Variants in NANOGNB observed in about 807,000 individuals in gnomAD.
The protein encoded by NANOGNB is homeobox C14.
A neutral mutation model predicts 25.0 loss-of-function variants in NANOGNB; 30 were observed. The ratio of observed to expected loss-of-function variants is 1.20; its 90% CI spans 0.90 to 1.63. NANOGNB has a LOEUF of 1.63. Among genes scored for constraint, NANOGNB ranks in the 40% most tolerant of loss-of-function variants. The probability of loss-of-function intolerance (pLI) is 0.00; values close to 1 mark genes in which losing one functional copy is unlikely to be tolerated. For missense variants in NANOGNB, 200 were observed against 188.1 expected, an observed-to-expected ratio of 1.06 and a Z score of -0.37; for synonymous variants, 84 against 62.1, an observed-to-expected ratio of 1.35 and a Z score of -1.66.
At chr12:7,773,767 G>A (rs1442186600) in intron 3 of NANOGNB, 33 bp from the exon 4 acceptor site, 26 of 601,942 alleles carry the variant, frequency 4.3e-5, no homozygotes, top group African/African-American at 2.6e-4. Context: ...ACTGTGTTGC[G>A]AAACTCTTTT....
intron 1 of NANOGNB, among the ~76,000 whole-genome samples, chr12:7,767,757 CTTTT>C (rs59800416): frequency 1.5e-5 from 2 of 136,852 alleles, no homozygotes; most frequent in South Asian, 2.4e-4. Context: ...CCTTTTTCCT[CTTTT>C]TTTTTTTTTT....
At position 7,773,686 on chromosome 12, in the gene NANOGNB, T is replaced by C. The variant is rs145606542; in HGVS notation, c.516-114T>C. The C allele has an allele frequency of 7.1e-4, 319 of 448,310 alleles. 1 individual carries two copies. Among genetic ancestry groups the C allele is most frequent in the African/African-American group, 6.3e-3 (303 of 47,970 alleles). 27.8% of individuals were successfully genotyped at this position (448,310 alleles called of 1,614,324 possible). On this transcript the variant is annotated intron_variant, in intron 3 of 3. Transcript: ENST00000382119. ...GTTGCAGTCAGCCGAGATTGTGCCA[T>C]TGCACTCCAGCTTGGGTGACAAGAG...
At position 7,770,268 on chromosome 12, in the gene NANOGNB, C is replaced by G. The variant is rs1337603031; in HGVS notation, c.388C>G (p.Gln130Glu). 1 of 1,542,466 alleles carries G rather than the reference C, an allele frequency of 6.5e-7. No homozygotes were observed. Among genetic ancestry groups the G allele is most frequent in the East Asian group, 2.4e-5 (1 of 40,892 alleles). The change falls in exon 2 of 4, where the codon CAA (glutamine) becomes GAA (glutamate). Residue 130 changes from glutamine (Q) to glutamate (E), a missense_variant. Transcript: ENST00000382119. ...KFKLNRCPTI[Q>E]ESLSLSFEFD... ...TAAGTTAAACAGGTGCCCCACTATA[C>G]AAGAGAGTCTATCACTGTCATTTGA...
At chr12:7,766,944 G>A (rs1443838722) in intron 1 of NANOGNB, among the ~76,000 whole-genome samples, 5 of 152,124 alleles carry the variant, frequency 3.3e-5, no homozygotes, top group Non-Finnish European at 7.3e-5. Context: ...GGGTTCAAGC[G>A]ATTCTCCTGC....
chr12:7,772,039 A>G (rs867087216), intron 3 of NANOGNB, among the ~76,000 whole-genome samples: 33 of 152,294 alleles, frequency 2.2e-4, no homozygotes, highest in African/African-American at 7.7e-4. Context: ...GATTGCAAAG[A>G]TCATCACTGT....
chr12:7,771,047 G>T (rs1865288217), intron 3 of NANOGNB, among the ~76,000 whole-genome samples: 1 of 152,158 alleles, frequency 6.6e-6, no homozygotes. Context: ...ATTACCAAAT[G>T]TACAAATACA....
At chr12:7,772,480 TGTTAGCCAGG>T (rs1862580622) in intron 3 of NANOGNB, among the ~76,000 whole-genome samples, 1 of 151,508 alleles carries the variant, frequency 6.6e-6, no homozygotes, top group Non-Finnish European at 1.5e-5. Context: ...GGTTTCACCA[TGTTAGCCAGG>T]ATGGTCTCGA....
At chr12:7,769,192 C>A (rs762015313) in intron 1 of NANOGNB, among the ~76,000 whole-genome samples, 80 of 152,136 alleles carry the variant, frequency 5.3e-4, no homozygotes, top group Non-Finnish European at 6.5e-4. Context: ...CAGAGTCTGG[C>A]CCTGTTGCCC....
chr12:7,771,724 G>A (rs1406429384), intron 3 of NANOGNB, among the ~76,000 whole-genome samples: 1 of 150,342 alleles, frequency 6.7e-6, no homozygotes, highest in African/African-American at 2.4e-5. Context: ...GGGTTCAAGC[G>A]ATTCTCCTGC....
chr12:7,766,931 C>T (rs12826058), intron 1 of NANOGNB, among the ~76,000 whole-genome samples: 10,194 of 152,274 alleles, frequency 0.067, 462 homozygotes, highest in South Asian at 0.1. Flanking sequence ...ATCTTTGCCT[C>T]CCGGGTTCAA....
intron 3 of NANOGNB, among the ~76,000 whole-genome samples, chr12:7,772,576 C>CTT (rs71038747): frequency 3.1e-4 from 33 of 107,920 alleles, no homozygotes; most frequent in Non-Finnish European, 5.2e-4. Flanking sequence ...CGCACCCGGC[C>CTT]TTTTTTTTTT....
chr12:7,773,246 C>T (rs1862601995), intron 3 of NANOGNB, among the ~76,000 whole-genome samples: 1 of 151,602 alleles, frequency 6.6e-6, no homozygotes, highest in South Asian at 2.1e-4. Context: ...TGTACCTTAC[C>T]ATGCCCAGCT....
intron 3 of NANOGNB, among the ~76,000 whole-genome samples, chr12:7,771,994 A>G (rs915955260): frequency 1.3e-5 from 2 of 152,176 alleles, no homozygotes; most frequent in Non-Finnish European, 2.9e-5. Context: ...AACACTGGTT[A>G]CCAACACCGA....
intron 3 of NANOGNB, among the ~76,000 whole-genome samples, chr12:7,773,361 A>G (rs1007291898): frequency 2.6e-5 from 4 of 151,642 alleles, no homozygotes; most frequent in African/African-American, 4.8e-5. Flanking sequence ...TTGGCCTTCA[A>G]TGAAAATTGT....
At chr12:7,771,740 C>T (rs1862569456) in intron 3 of NANOGNB, among the ~76,000 whole-genome samples, 1 of 152,154 alleles carries the variant, frequency 6.6e-6, no homozygotes, top group African/African-American at 2.4e-5. Flanking sequence ...CCTGCCTCAG[C>T]CTCCCGAGTA....
rs118056834 is a variant in NANOGNB, at chr12:7,766,468, G to A, written c.102+1081G>A. 8.8e-3 allele frequency among the ~76,000 whole-genome samples: 1,340 copies of A among 152,234 alleles called. 92 individuals carry two copies. In the East Asian group the frequency reaches 0.16, roughly 19 times the overall value. On this transcript the variant is annotated intron_variant, in intron 1 of 3. Coordinates refer to ENST00000382119, the MANE Select transcript of NANOGNB (RefSeq NM_001145465.1). ...AGTCTGGGCTTCAGAGTGAGACTCC[G>A]TCTCAACAAAACAAAACAGCAAACA...
In NANOGNB at chr12:7,770,077, AAGG is replaced by A. The variant is rs1865278213; in HGVS notation, c.200_202del (p.Gly67del). 6 of 1,543,966 alleles carry A rather than the reference AAGG, an allele frequency of 3.9e-6. No individual in the cohort carries two copies. The highest frequency in any genetic ancestry group is 5.3e-6 in the Non-Finnish European group (6 of 1,142,462). ...AATGGAAAGCAGAAATGGAGAGAAG[AAGG>A]AGAAGCAGGCAGAAAGAGAGAACGA... On this transcript the variant is annotated inframe_deletion, in exon 2 of 4. Coordinates refer to ENST00000382119, the MANE Select transcript of NANOGNB (RefSeq NM_001145465.1).
Position 7,773,974 on chromosome 12 carries a change from C to T in NANOGNB, c.*123C>T, listed in dbSNP as rs1214218681. On this transcript the variant is annotated 3_prime_UTR_variant, in exon 4 of 4. Coordinates refer to ENST00000382119, the MANE Select transcript of NANOGNB (RefSeq NM_001145465.1). ...AGTTCTGAAAGGATAAACAAGAAAA[C>T]ATTAACAGTCGTTGATTCCGTGGAG... The T allele has an allele frequency of 6.5e-6, 3 of 465,064 alleles. No homozygotes were observed. The highest frequency in any genetic ancestry group is 4.1e-5 in the African/African-American group (2 of 48,960). The allele number at this position is 465,064 out of a possible 1,614,324, so 28.8% of individuals were successfully genotyped here. A position where few individuals can be genotyped will look rare whatever the true frequency, so the allele number is the denominator to read the frequency against.
chr12:7,770,437 A>G lies in NANOGNB; in HGVS notation c.436-2A>G, dbSNP rs1181510240. On this transcript the variant is annotated splice_acceptor_variant, in intron 2 of 3. Coordinates refer to ENST00000382119, the MANE Select transcript of NANOGNB (RefSeq NM_001145465.1). LOFTEE classifies it high-confidence loss of function. ...CACCTCCCACACCTCATTTTTTTGT[A>G]GATAAGTCAATGGTTTTGTAAAACG... 1.3e-6 allele frequency: 2 copies of G among 1,536,916 alleles called. No individual in the cohort carries two copies. Among genetic ancestry groups the G allele is most frequent in the Non-Finnish European group, 1.8e-6 (2 of 1,137,524 alleles).
Sources: allele counts gnomAD v4.1 joint callset (sites outside exome capture counted in the v4.1 genomes callset), GRCh38; gene constraint gnomAD v4.1.1; transcripts MANE v1.5; gene names NCBI Gene and HGNC (gene_info 2026-07-23, HGNC 2026-07-21).